The following UTRN variants were observed in gnomAD, a reference collection of about 807,000 sequenced individuals.
UTRN encodes the protein utrophin, also known as dystrophin-related protein 1.
A neutral mutation model predicts 463.9 loss-of-function variants in UTRN; 283 were observed. The observed-to-expected ratio is 0.61, with a 90% CI of 0.55 to 0.67. The LOEUF is 0.67. Among genes scored for constraint, UTRN ranks in the 30% least tolerant of loss-of-function variants. The probability of loss-of-function intolerance (pLI) is 0.00; values close to 1 mark genes in which losing one functional copy is unlikely to be tolerated. For missense variants in UTRN, 3,922 were observed against 4,084.3 expected, an observed-to-expected ratio of 0.96 and a Z score of 1.08; for synonymous variants, 1,442 against 1,431.5, an observed-to-expected ratio of 1.01 and a Z score of -0.17.
In UTRN at chr6:144,461,280, C is replaced by T; in HGVS notation, c.2791C>T (p.Gln931Ter). The change falls in exon 22 of 75, where the codon CAG becomes TAG. Residue 931 changes from glutamine (Q) to a stop codon, truncating the protein, a stop_gained. Coordinates refer to ENST00000367545, the MANE Select transcript of UTRN (RefSeq NM_007124.3). LOFTEE classifies it high-confidence loss of function. ...DVLNDSENKA[Q>*]VSLNVLNDLA... ...GCTAAATGATTCAGAAAATAAGGCC[C>T]AGGTGTCTCTGAATGTCCTTAATGA... The T allele has an allele frequency of 6.2e-7, 1 of 1,606,508 alleles. No individual in the cohort carries two copies. The highest frequency in any genetic ancestry group is 8.5e-7 in the Non-Finnish European group (1 of 1,175,432).
intron 19 of UTRN, among the ~76,000 whole-genome samples, chr6:144,454,814 G>T (rs1281500811): frequency 6.6e-6 from 1 of 151,902 alleles, no homozygotes; most frequent in Non-Finnish European, 1.5e-5. Context: ...AGTTTTCTTG[G>T]AAGTAAAATT....
At chr6:144,289,381 C>T (rs1804009084) in intron 1 of UTRN, among the ~76,000 whole-genome samples, 1 of 152,186 alleles carries the variant, frequency 6.6e-6, no homozygotes, top group Non-Finnish European at 1.5e-5. Flanking sequence ...TCTATCTACT[C>T]TTGTTTAGAC....
intron 55 of UTRN, among the ~76,000 whole-genome samples, chr6:144,750,022 C>T (rs967214601): frequency 6.6e-6 from 1 of 152,194 alleles, no homozygotes; most frequent in African/African-American, 2.4e-5. Flanking sequence ...AAGGTACCTA[C>T]CCATGGAGAG....
At chr6:144,388,420 G>A (rs1370337257) in intron 2 of UTRN, among the ~76,000 whole-genome samples, 1 of 151,882 alleles carries the variant, frequency 6.6e-6, no homozygotes, top group Admixed American at 6.6e-5. Context: ...TCAAGCGATT[G>A]TCCCACCCTA....
At chr6:144,840,436 C>A (rs1372607582) in intron 72 of UTRN, among the ~76,000 whole-genome samples, 1 of 152,050 alleles carries the variant, frequency 6.6e-6, no homozygotes, top group Non-Finnish European at 1.5e-5. Context: ...ATTTCTCATT[C>A]AAACACTGAA....
chr6:144,527,991 A>AT (rs1796707865), intron 41 of UTRN, among the ~76,000 whole-genome samples: 1 of 141,898 alleles, frequency 7.0e-6, no homozygotes, highest in Non-Finnish European at 1.5e-5. Flanking sequence ...CAATTCAGAG[A>AT]TTTTGTCCTG....
chr6:144,805,734 G>A (rs1443511379), intron 65 of UTRN, among the ~76,000 whole-genome samples: 1 of 152,148 alleles, frequency 6.6e-6, no homozygotes, highest in African/African-American at 2.4e-5. Flanking sequence ...CTGTACAACT[G>A]CATAAGTGCA....
chr6:144,618,081 C>T (rs1452090927), intron 51 of UTRN, among the ~76,000 whole-genome samples: 4 of 152,138 alleles, frequency 2.6e-5, no homozygotes, highest in African/African-American at 9.7e-5. Context: ...TGTTAATGCA[C>T]TTACATTGTA....
At chr6:144,729,502 A>G (rs1788290408) in intron 53 of UTRN, among the ~76,000 whole-genome samples, 2 of 152,226 alleles carry the variant, frequency 1.3e-5, no homozygotes, top group Admixed American at 1.3e-4. Context: ...AGGGAACTAC[A>G]CCGAAGGCAA....
chr6:144,543,925 G>A (rs1217961268), intron 46 of UTRN, among the ~76,000 whole-genome samples: 1 of 152,024 alleles, frequency 6.6e-6, no homozygotes, highest in East Asian at 1.9e-4. Flanking sequence ...CAAGTTTCTT[G>A]ATTAATATTC....
chr6:144,614,410 G>T (rs193019128), intron 51 of UTRN, among the ~76,000 whole-genome samples: 1 of 152,154 alleles, frequency 6.6e-6, no homozygotes, highest in African/African-American at 2.4e-5. Context: ...ACAGATTCCT[G>T]GGAAGGTTTC....
At chr6:144,742,488 A>G (rs1447773409) in intron 54 of UTRN, among the ~76,000 whole-genome samples, 1 of 152,182 alleles carries the variant, frequency 6.6e-6, no homozygotes, top group Non-Finnish European at 1.5e-5. Flanking sequence ...AGAGAGAGAG[A>G]AATAGGAGGG....
At chr6:144,315,440 C>A (rs1264588244) in intron 2 of UTRN, among the ~76,000 whole-genome samples, 1 of 152,018 alleles carries the variant, frequency 6.6e-6, no homozygotes, top group Admixed American at 6.6e-5. Context: ...TTGAAGGGGT[C>A]AGGGAAGGGG....
At chr6:144,372,613 A>G (rs550625016) in intron 2 of UTRN, among the ~76,000 whole-genome samples, 130 of 148,346 alleles carry the variant, frequency 8.8e-4, no homozygotes, top group Non-Finnish European at 1.5e-3. Flanking sequence ...TCCTCCCTCA[A>G]CCTCCCAAGT....
rs552565183 is a variant in UTRN, at chr6:144,677,945, G to T, written c.7480-461G>T. Among the ~76,000 whole-genome samples, 394 of 152,240 alleles carry T rather than the reference G, an allele frequency of 2.6e-3. 2 individuals carry two copies. The highest frequency in any genetic ancestry group is 9.0e-3 in the African/African-American group (372 of 41,544). ...AATCCTTTGCCCACTTTTTGATGGG[G>T]TTGTTTGCTTTTTTTCTTGTAAATA... On this transcript the variant is annotated intron_variant, in intron 51 of 74. Transcript: ENST00000367545.
intron 51 of UTRN, among the ~76,000 whole-genome samples, chr6:144,599,408 T>C (rs1804000091): frequency 6.6e-6 from 1 of 152,212 alleles, no homozygotes; most frequent in Non-Finnish European, 1.5e-5. Flanking sequence ...GTTATTATTC[T>C]GGACATACCT....
chr6:144,782,638 A>C (rs114972857), intron 61 of UTRN, among the ~76,000 whole-genome samples: 1 of 149,308 alleles, frequency 6.7e-6, no homozygotes, highest in African/African-American at 2.5e-5. Context: ...ATATATATAT[A>C]ATATATATAT....
At chr6:144,451,783 G>A (rs1443886459) in intron 18 of UTRN, among the ~76,000 whole-genome samples, 1 of 151,822 alleles carries the variant, frequency 6.6e-6, no homozygotes, top group Non-Finnish European at 1.5e-5. Flanking sequence ...AGTTAGTTTA[G>A]ATCACCCTTA....
At chr6:144,446,576 C>G (rs1320210949) in intron 14 of UTRN, among the ~76,000 whole-genome samples, 2 of 152,208 alleles carry the variant, frequency 1.3e-5, no homozygotes. Context: ...AGGATTATCT[C>G]TCTACATGAC....
Sources: gnomAD v4.1 joint callset for allele counts (sites outside exome capture counted in the v4.1 genomes callset) on GRCh38, gnomAD v4.1.1 for gene constraint, MANE v1.5 for transcripts, NCBI Gene and HGNC (gene_info 2026-07-23, HGNC 2026-07-21) for gene names.